The following MYRIP variants were observed in gnomAD, a reference collection of about 807,000 sequenced individuals.
MYRIP encodes rab effector MyRIP.
In MYRIP, 49 loss-of-function variants were observed where a neutral mutation model predicts 98.0. That is an observed-to-expected ratio of 0.50 (90% CI 0.40 to 0.63). The LOEUF (loss-of-function observed/expected upper bound fraction) is 0.63. Among genes scored for constraint, MYRIP ranks in the 30% least tolerant of loss-of-function variants. The pLI is 0.00. For missense variants in MYRIP, 1,004 were observed against 1,058.2 expected, an observed-to-expected ratio of 0.95 and a Z score of 0.71; for synonymous variants, 404 against 409.5, an observed-to-expected ratio of 0.99 and a Z score of 0.16.
rs763158784 is a variant in MYRIP, at chr3:40,245,747, A to ATATT, written c.2262+1141_2262+1142insATTT. 1.4e-4 allele frequency among the ~76,000 whole-genome samples: 13 copies of ATATT among 95,862 alleles called. 3 individuals are homozygous for ATATT. The highest frequency in any genetic ancestry group is 5.7e-4 in the African/African-American group (13 of 22,908). The allele number at this position is 95,862 out of a possible 152,430, so 62.9% of individuals were successfully genotyped here. A position where few individuals can be genotyped will look rare whatever the true frequency, so the allele number is the denominator to read the frequency against. ...TTCAGTATAGACCCCTGGTTTGCTGATTTTTTTTTTTTTTTTTTGAGACAG... is the reference window on the plus strand; with the variant it reads ...TTCAGTATAGACCCCTGGTTTGCTGATATTTTTTTTTTTTTTTTTTTTGAGACAG... On this transcript the variant is annotated intron_variant, in intron 13 of 16. Coordinates refer to ENST00000302541, the MANE Select transcript of MYRIP (RefSeq NM_015460.4).
intron 8 of MYRIP, 88 bp from the exon 9 acceptor site, chr3:40,182,132 G>C (rs1415264023): frequency 6.5e-6 from 9 of 1,375,240 alleles, no homozygotes; most frequent in Non-Finnish European, 7.8e-6. Context: ...TCTCCATGCT[G>C]GACAATGTCT....
intron 3 of MYRIP, among the ~76,000 whole-genome samples, chr3:40,145,327 T>C (rs999954539): frequency 8.5e-5 from 13 of 152,186 alleles, no homozygotes; most frequent in African/African-American, 2.7e-4. Flanking sequence ...TTCATAATAG[T>C]GATACTGATT....
intron 2 of MYRIP, among the ~76,000 whole-genome samples, chr3:39,995,940 T>G (rs1946340308): frequency 6.6e-6 from 1 of 152,254 alleles, no homozygotes; most frequent in South Asian, 2.1e-4. Context: ...CTAAGCTTCA[T>G]AAGTGAAGGA....
At chr3:39,830,804 C>T (rs1366157070) in intron 1 of MYRIP, among the ~76,000 whole-genome samples, 1 of 152,100 alleles carries the variant, frequency 6.6e-6, no homozygotes, top group East Asian at 1.9e-4. Context: ...GCTATGGCTC[C>T]CATTTCTTTG....
At chr3:40,049,717 GA>G (rs1947749206) in intron 3 of MYRIP, among the ~76,000 whole-genome samples, 1 of 152,050 alleles carries the variant, frequency 6.6e-6, no homozygotes, top group South Asian at 2.1e-4. Context: ...TGAGAACCAA[GA>G]TAGGCCAAAA....
intron 2 of MYRIP, among the ~76,000 whole-genome samples, chr3:39,999,050 G>A (rs906756002): frequency 3.7e-4 from 57 of 152,152 alleles, no homozygotes; most frequent in Non-Finnish European, 6.9e-4. Flanking sequence ...AGACTTAAAT[G>A]TAAGACCTAA....
At chr3:40,052,852 G>T (rs1427041122) in intron 3 of MYRIP, among the ~76,000 whole-genome samples, 1 of 152,082 alleles carries the variant, frequency 6.6e-6, no homozygotes, top group African/African-American at 2.4e-5. Context: ...TACATGTTTT[G>T]TTAGTATGGG....
rs569478453 is a variant in MYRIP, at chr3:39,876,850, G to C, written c.-30-23937G>C. On this transcript the variant is annotated intron_variant, in intron 1 of 16. Transcript: ENST00000302541. ...GTTGCTCTTCTCGAGGAGTATCTTT[G>C]TGGTGTTCTCTGTATTTCCTGAATC... 3.0e-3 allele frequency among the ~76,000 whole-genome samples: 459 copies of C among 151,610 alleles called. 4 individuals are homozygous for C. The highest frequency in any genetic ancestry group is 0.011 in the African/African-American group (445 of 41,006).
rs9809362 is a variant in MYRIP, at chr3:40,131,121, G to A, written c.333-19927G>A. On this transcript the variant is annotated intron_variant, in intron 3 of 16. Coordinates refer to ENST00000302541, the MANE Select transcript of MYRIP (RefSeq NM_015460.4). ...TGAAGAATTGCCATTGTGAAAAATT[G>A]CAATACTTCTACCTGCCCCCATGCT... Among the ~76,000 whole-genome samples the A allele has an allele frequency of 7.7e-3, 1,165 of 152,264 alleles. 15 individuals are homozygous for A. The highest frequency in any genetic ancestry group is 0.027 in the African/African-American group (1,118 of 41,564).
At chr3:40,154,202 CAT>C (rs1340705532) in intron 4 of MYRIP, among the ~76,000 whole-genome samples, 1 of 152,116 alleles carries the variant, frequency 6.6e-6, no homozygotes, top group Non-Finnish European at 1.5e-5. Context: ...TCACCCATCA[CAT>C]ACACACCTCG....
intron 1 of MYRIP, among the ~76,000 whole-genome samples, chr3:39,900,330 G>T (rs1170720279): frequency 2.7e-5 from 4 of 148,148 alleles, no homozygotes; most frequent in African/African-American, 1.0e-4. Flanking sequence ...ATTATACATA[G>T]GATTTTTTTA....
chr3:39,990,364 G>T (rs556562609), intron 2 of MYRIP, among the ~76,000 whole-genome samples: 2 of 152,254 alleles, frequency 1.3e-5, no homozygotes, highest in South Asian at 2.1e-4. Context: ...TGCAGGATTC[G>T]CATGCTGTTA....
intron 2 of MYRIP, among the ~76,000 whole-genome samples, chr3:40,031,866 G>C (rs957480816): frequency 1.3e-5 from 2 of 152,022 alleles, no homozygotes; most frequent in African/African-American, 4.8e-5. Context: ...GCGTCTATTT[G>C]ATTCTTCTCT....
chr3:40,244,378 CCCT>C, intron 12 of MYRIP, 65 bp from the exon 13 acceptor site: 1 of 1,445,896 alleles, frequency 6.9e-7, no homozygotes, highest in Non-Finnish European at 9.2e-7. Context: ...TGCTGGGGTC[CCCT>C]CAAGGGACCC....
intron 2 of MYRIP, among the ~76,000 whole-genome samples, chr3:39,917,737 GT>G (rs1944197792): frequency 8.9e-6 from 1 of 111,748 alleles, no homozygotes; most frequent in Non-Finnish European, 1.9e-5. Flanking sequence ...AAGACCCCAA[GT>G]CTGTTACATC....
At position 40,192,328 on chromosome 3, in the gene MYRIP, C is replaced by CATTATATATATGTCAT. The variant is rs1951248800; in HGVS notation, c.1665+1867_1665+1868insTATATATATGTCATAT. On this transcript the variant is annotated intron_variant, in intron 10 of 16. Coordinates refer to ENST00000302541, the MANE Select transcript of MYRIP (RefSeq NM_015460.4). The stretch of plus-strand genomic sequence containing the variant: ...TTTCTTCATATATATATATATATGT[C>CATTATATATATGTCAT]ATATATATATATGTCATATATATAT... Among the ~76,000 whole-genome samples, 5 of 37,844 alleles carry CATTATATATATGTCAT rather than the reference C, an allele frequency of 1.3e-4. No homozygotes were observed. In the South Asian group the frequency reaches 3.8e-3, roughly 28 times the overall value. 24.8% of individuals were successfully genotyped at this position (37,844 alleles called of 152,430 possible).
chr3:40,020,303 A>C (rs1199621045), intron 2 of MYRIP, among the ~76,000 whole-genome samples: 1 of 128,408 alleles, frequency 7.8e-6, no homozygotes, highest in Admixed American at 7.8e-5. Context: ...ATTCTTACCA[A>C]TTATTACTTC....
chr3:40,119,293 C>T (rs1282166496), intron 3 of MYRIP, among the ~76,000 whole-genome samples: 1 of 152,112 alleles, frequency 6.6e-6, no homozygotes, highest in Non-Finnish European at 1.5e-5. Context: ...GAGATGGTAT[C>T]TCATTGTGGT....
At chr3:40,087,171 G>C (rs1179283383) in intron 3 of MYRIP, among the ~76,000 whole-genome samples, 2 of 152,060 alleles carry the variant, frequency 1.3e-5, no homozygotes, top group Non-Finnish European at 2.9e-5. Context: ...TCATGAGGAA[G>C]TGGTGTGGCT....
Sources: gnomAD v4.1 joint callset for allele counts (sites outside exome capture counted in the v4.1 genomes callset) on GRCh38, gnomAD v4.1.1 for gene constraint, MANE v1.5 for transcripts, NCBI Gene and HGNC (gene_info 2026-07-23, HGNC 2026-07-21) for gene names.